The following USP24 variants were observed in gnomAD, a reference collection of about 807,000 sequenced individuals.
USP24 encodes ubiquitin carboxyl-terminal hydrolase 24.
A neutral mutation model predicts 361.6 loss-of-function variants in USP24; 97 were observed. The observed-to-expected ratio is 0.27, with a 90% CI of 0.23 to 0.32. USP24 has a LOEUF of 0.32. Among genes scored for constraint, USP24 ranks in the 10% least tolerant of loss-of-function variants. USP24 has a pLI of 1.00. For synonymous variants in USP24, 1,098 were observed against 1,124.6 expected (o/e 0.98, Z 0.47); for missense variants, 2,353 against 3,165.6 (o/e 0.74, Z 6.16).
intron 32 of USP24, 57 bp from the exon 33 acceptor site, chr1:55,125,815 A>G (rs1646412726): frequency 2.8e-6 from 4 of 1,415,962 alleles, no homozygotes; most frequent in Non-Finnish European, 2.9e-6. Context: ...TTTTCATTTT[A>G]AATTTTCCAT....
chr1:55,178,676 AAAATAAATAAATAAATAAATAAATAAAT>A (rs71580807), intron 1 of USP24, among the ~76,000 whole-genome samples: 20 of 127,048 alleles, frequency 1.6e-4, no homozygotes, highest in South Asian at 2.8e-4. Flanking sequence ...ACTCCGTCTC[AAAATAAATAAATAAATAAATAAATAAAT>A]AAATAAATAA....
At chr1:55,206,671 A>AC (rs1326534256) in intron 1 of USP24, among the ~76,000 whole-genome samples, 1 of 151,224 alleles carries the variant, frequency 6.6e-6, no homozygotes, top group Non-Finnish European at 1.5e-5. Context: ...AAAAAAAAAA[A>AC]AAGGGTCGGG....
At chr1:55,107,832 A>G (rs1182409563) in intron 39 of USP24, among the ~76,000 whole-genome samples, 1 of 81,740 alleles carries the variant, frequency 1.2e-5, no homozygotes, top group Non-Finnish European at 2.2e-5. Context: ...AAAGAGCAAG[A>G]CTCTGTCTCA....
At chr1:55,075,167 C>T (rs748016929) in intron 63 of USP24, among the ~76,000 whole-genome samples, 15 of 152,014 alleles carry the variant, frequency 9.9e-5, no homozygotes, top group Non-Finnish European at 1.3e-4. Flanking sequence ...CAGGGAGTGG[C>T]CGTTAGCTTG....
intron 3 of USP24, among the ~76,000 whole-genome samples, chr1:55,173,236 T>C (rs1312432734): frequency 2.0e-5 from 3 of 152,190 alleles, no homozygotes; most frequent in African/African-American, 7.2e-5. Context: ...ATTTTCCTTT[T>C]TGGTATGTAC....
At chr1:55,205,002 C>T (rs916350555) in intron 1 of USP24, among the ~76,000 whole-genome samples, 2 of 152,128 alleles carry the variant, frequency 1.3e-5, no homozygotes, top group African/African-American at 2.4e-5. Flanking sequence ...CATGAGAGTA[C>T]ATTAAAGTAT....
chr1:55,214,738 G>A, intron 1 of USP24, 52 bp downstream of exon 1: 1 of 1,152,152 alleles, frequency 8.7e-7, no homozygotes. Context: ...TCCCCTCCCA[G>A]GAACTCCAGC....
At chr1:55,115,140 C>T (rs12076775) in intron 38 of USP24, among the ~76,000 whole-genome samples, 3 of 152,094 alleles carry the variant, frequency 2.0e-5, no homozygotes, top group Non-Finnish European at 2.9e-5. Flanking sequence ...TGAAAAAAAG[C>T]TCATGATCAC....
Position 55,067,303 on chromosome 1 carries a change from C to T in USP24, c.*1742G>A, listed in dbSNP as rs1047542566. ...GAATAGGGTAGGGGAAACAGTAGGA[C>T]AGGAAGTATTCACGTACTCAAAACC... is the stretch of plus-strand genomic sequence containing the variant. On this transcript the variant is annotated 3_prime_UTR_variant, in exon 68 of 68. Transcript: ENST00000294383. 1 of 152,164 alleles carries T rather than the reference C, an allele frequency of 6.6e-6. No homozygotes were observed. Among genetic ancestry groups the T allele is most frequent in the Non-Finnish European group, 1.5e-5 (1 of 68,044 alleles). The allele number at this position is 152,164 out of a possible 1,614,324, so 9.4% of individuals were successfully genotyped here.
At chr1:55,101,226 T>C (rs1469593290) in intron 43 of USP24, among the ~76,000 whole-genome samples, 1 of 152,186 alleles carries the variant, frequency 6.6e-6, no homozygotes, top group Non-Finnish European at 1.5e-5. Flanking sequence ...CCAGTACACA[T>C]GGAATACTCT....
intron 4 of USP24, 142 bp from the exon 5 acceptor site, chr1:55,171,820 A>G (rs1649481927): frequency 1.1e-6 from 1 of 938,792 alleles, no homozygotes; most frequent in Non-Finnish European, 1.6e-6. Flanking sequence ...CATACGCCTT[A>G]GCTAGTGCAA....
At chr1:55,206,051 TG>T (rs1032031175) in intron 1 of USP24, among the ~76,000 whole-genome samples, 2 of 152,164 alleles carry the variant, frequency 1.3e-5, no homozygotes, top group Non-Finnish European at 2.9e-5. Context: ...AACAGAACCC[TG>T]AACAGAAAGG....
rs1649544092 is a variant in USP24, at chr1:55,172,419, T to C, written c.660A>G (p.Lys220=). The change falls in exon 4 of 68, where the codon AAA becomes AAG. Residue 220 remains lysine, a synonymous_variant. Coordinates refer to ENST00000294383, the MANE Select transcript of USP24 (RefSeq NM_015306.3). The stretch of plus-strand genomic sequence containing the variant: ...GGAGACCAGTGGGAATTGGATCTTG[T>C]TTTATTCTCTCTGCGACCAGTTCTA... ...LLIELVAERI[K]QDPIPTGLLG... 1 of 1,613,406 alleles carries C rather than the reference T, an allele frequency of 6.2e-7. No individual in the cohort carries two copies.
rs541293157 is a variant in USP24, at chr1:55,092,046, A to G, written c.6531T>C (p.Tyr2177=). 67 of 1,611,444 alleles carry G rather than the reference A, an allele frequency of 4.2e-5. No homozygotes were observed. The highest frequency in any genetic ancestry group is 6.7e-5 in the Admixed American group (4 of 59,842). ...QLAIQFLFQT[Y]LRTKKKLRVD... is the part of the protein sequence containing the mutation. ...ACCTGAGTTTCTTCTTTGTCCGTAG[A>G]TAAGTTTGAAAAAGGAATTGAATAG... Residue 2177 remains tyrosine, a synonymous_variant, in exon 54 of 68, where the codon TAT becomes TAC. Coordinates refer to ENST00000294383, the MANE Select transcript of USP24 (RefSeq NM_015306.3).
In USP24 at chr1:55,137,539, A is replaced by G. The variant is rs774897386; in HGVS notation, c.3177T>C (p.Phe1059=). ...TSSSSSSSGV[F]SSSYAMEQEK... ...CCTGCTCCATGGCATATGAAGAACT[A>G]AAAACCCCACTGCTGCTGCTGCTGG... is the stretch of plus-strand genomic sequence containing the variant. Residue 1059 remains phenylalanine, a synonymous_variant, in exon 28 of 68, where the codon TTT becomes TTC. Transcript: ENST00000294383. The G allele has an allele frequency of 1.9e-6, 3 of 1,613,178 alleles. No homozygotes were observed. The highest frequency in any genetic ancestry group is 2.7e-5 in the African/African-American group (2 of 74,890).
chr1:55,109,368 T>G (rs1645885016), intron 39 of USP24, among the ~76,000 whole-genome samples: 1 of 152,250 alleles, frequency 6.6e-6, no homozygotes, highest in Non-Finnish European at 1.5e-5. Context: ...TGTCTTTATG[T>G]GTCCATTACA....
chr1:55,199,060 C>T (rs1371415374), intron 1 of USP24, among the ~76,000 whole-genome samples: 2 of 152,048 alleles, frequency 1.3e-5, no homozygotes, highest in African/African-American at 2.4e-5. Flanking sequence ...GAGGCCGAAG[C>T]GGGCAGATCA....
At chr1:55,116,448 A>G (rs1008199605) in intron 38 of USP24, among the ~76,000 whole-genome samples, 3 of 152,088 alleles carry the variant, frequency 2.0e-5, no homozygotes, top group Non-Finnish European at 4.4e-5. Context: ...AAAAGGGAGA[A>G]GGATCAAATT....
At chr1:55,134,019 C>T in intron 30 of USP24, 51 bp downstream of exon 30, 1 of 1,446,184 alleles carries the variant, frequency 6.9e-7, no homozygotes, top group Non-Finnish European at 9.7e-7. Flanking sequence ...TGTATTTTCA[C>T]TCACTGAATT....
Sources: gnomAD v4.1 joint callset for allele counts (sites outside exome capture counted in the v4.1 genomes callset) on GRCh38, gnomAD v4.1.1 for gene constraint, MANE v1.5 for transcripts, NCBI Gene and HGNC (gene_info 2026-07-23, HGNC 2026-07-21) for gene names.